The following MMP16 variants were observed in gnomAD, a reference collection of about 807,000 sequenced individuals.
MMP16 encodes the protein matrix metalloproteinase-16.
MMP16 carries 12 observed loss-of-function variants against 67.8 expected under a neutral mutation model. That is an observed-to-expected ratio of 0.18 (90% CI 0.11 to 0.29). The LOEUF is 0.29. MMP16 is among the 10% of genes least tolerant of loss of function. The pLI is 1.00. For synonymous variants in MMP16, 249 were observed against 255.9 expected, an observed-to-expected ratio of 0.97 and a Z score of 0.26; for missense variants, 475 against 765.7, an observed-to-expected ratio of 0.62 and a Z score of 4.48.
At chr8:88,060,067 T>C (rs1198600594) in intron 7 of MMP16, among the ~76,000 whole-genome samples, 3 of 152,066 alleles carry the variant, frequency 2.0e-5, no homozygotes, top group Non-Finnish European at 2.9e-5. Flanking sequence ...CCTGGCTGTC[T>C]GAGTTTCTGT....
intron 6 of MMP16, among the ~76,000 whole-genome samples, chr8:88,095,748 C>G (rs1809015769): frequency 6.6e-6 from 1 of 151,860 alleles, no homozygotes; most frequent in South Asian, 2.1e-4. Flanking sequence ...CTGACAGTAC[C>G]TTCCTGAATA....
intron 1 of MMP16, among the ~76,000 whole-genome samples, chr8:88,296,201 A>G (rs757715939): frequency 2.6e-5 from 4 of 152,192 alleles, no homozygotes; most frequent in Admixed American, 6.5e-5. Context: ...TGGGATGTAA[A>G]GATGGATAAT....
At chr8:88,295,680 T>C (rs1377813750) in intron 1 of MMP16, among the ~76,000 whole-genome samples, 2 of 152,138 alleles carry the variant, frequency 1.3e-5, no homozygotes, top group Non-Finnish European at 2.9e-5. Context: ...CTAATAAACA[T>C]GGTGGTTTCT....
chr8:88,314,944 T>G (rs1256364732), intron 1 of MMP16, among the ~76,000 whole-genome samples: 5 of 152,168 alleles, frequency 3.3e-5, no homozygotes, highest in African/African-American at 1.2e-4. Flanking sequence ...CAGCTCAACC[T>G]GAGTTCCACC....
chr8:88,167,921 G>A lies in MMP16; in HGVS notation c.457C>T (p.Arg153Cys), dbSNP rs1586186273. 6.8e-6 allele frequency: 11 copies of A among 1,613,904 alleles called. No homozygotes were observed. The highest frequency in any genetic ancestry group is 9.3e-6 in the Non-Finnish European group (11 of 1,179,894). ...VGDPETRKAIRRAFDVWQNVT... is the reference protein window; with the variant it reads ...VGDPETRKAICRAFDVWQNVT... ...TTCTGCCACACATCAAAGGCACGGC[G>A]AATAGCTTTACGAGTCTCAGGGTCT... Residue 153 changes from arginine (R) to cysteine (C), a missense_variant, in exon 4 of 10, where the codon CGC becomes TGC. Physicochemically the swap from Arg to Cys is radical, Grantham distance 180 (BLOSUM62 -3). Transcript: ENST00000286614.
chr8:88,101,854 G>C (rs1563531967), intron 6 of MMP16, among the ~76,000 whole-genome samples: 1 of 151,762 alleles, frequency 6.6e-6, no homozygotes, highest in Non-Finnish European at 1.5e-5. Flanking sequence ...TCCAGTTCCA[G>C]ATAGGACATA....
chr8:88,223,441 C>T (rs1171676760), intron 1 of MMP16, among the ~76,000 whole-genome samples: 1 of 151,878 alleles, frequency 6.6e-6, no homozygotes, highest in Non-Finnish European at 1.5e-5. Flanking sequence ...TTGGAACCAA[C>T]CAAAATGTCC....
At chr8:88,275,082 A>G (rs1035217278) in intron 1 of MMP16, among the ~76,000 whole-genome samples, 1 of 151,986 alleles carries the variant, frequency 6.6e-6, no homozygotes, top group African/African-American at 2.4e-5. Context: ...AGTTAAATCA[A>G]TGGTTAACCA....
chr8:88,119,664 T>C (rs1807786597), intron 4 of MMP16, among the ~76,000 whole-genome samples: 1 of 152,048 alleles, frequency 6.6e-6, no homozygotes, highest in African/African-American at 2.4e-5. Context: ...CTACATTTTG[T>C]TCAGTCCTGG....
At chr8:88,183,712 CT>C (rs71277981) in intron 3 of MMP16, among the ~76,000 whole-genome samples, 346 of 92,094 alleles carry the variant, frequency 3.8e-3, no homozygotes, top group African/African-American at 0.013. Context: ...AAATGTCCTT[CT>C]TTTTTTTTTT....
At chr8:88,242,832 A>C (rs1166650166) in intron 1 of MMP16, among the ~76,000 whole-genome samples, 1 of 152,224 alleles carries the variant, frequency 6.6e-6, no homozygotes, top group Admixed American at 6.5e-5. Flanking sequence ...GCTGGTTAGT[A>C]GATAGACAGG....
intron 1 of MMP16, among the ~76,000 whole-genome samples, chr8:88,287,946 G>C (rs1810860019): frequency 6.6e-6 from 1 of 152,128 alleles, no homozygotes; most frequent in Non-Finnish European, 1.5e-5. Context: ...GTAATACCAA[G>C]GTCAGTCAAA....
intron 3 of MMP16, among the ~76,000 whole-genome samples, chr8:88,173,539 G>T (rs781746048): frequency 2.0e-5 from 3 of 151,954 alleles, no homozygotes; most frequent in Non-Finnish European, 4.4e-5. Flanking sequence ...ATTTAGAAAG[G>T]CATACTAATG....
At chr8:88,297,389 G>A (rs1464824085) in intron 1 of MMP16, among the ~76,000 whole-genome samples, 1 of 152,176 alleles carries the variant, frequency 6.6e-6, no homozygotes, top group African/African-American at 2.4e-5. Context: ...TGGGACCTGA[G>A]AACTGCCCTT....
At chr8:88,046,966 A>G (rs1434423375) in intron 8 of MMP16, among the ~76,000 whole-genome samples, 182 bp from the exon 9 acceptor site, 1 of 152,206 alleles carries the variant, frequency 6.6e-6, no homozygotes, top group Non-Finnish European at 1.5e-5. Context: ...ATAACTGAAA[A>G]TACAATGGGC....
At position 88,035,898 on chromosome 8, in the gene MMP16, T is replaced by C. The variant is rs900071094; in HGVS notation, c.*5563A>G. On this transcript the variant is annotated 3_prime_UTR_variant, in exon 10 of 10. Coordinates refer to ENST00000286614, the MANE Select transcript of MMP16 (RefSeq NM_005941.5). The surrounding 1 kb of genome is among the most constrained non-coding windows in gnomAD (Gnocchi z 4.7). ...AACATATATTTGTAATTGGATGTTATTAATCTTACCTGAAATATTTCAGAA... is the reference window on the plus strand; with the variant it reads ...AACATATATTTGTAATTGGATGTTACTAATCTTACCTGAAATATTTCAGAA... 1 of 151,982 alleles carries C rather than the reference T, an allele frequency of 6.6e-6. No individual in the cohort carries two copies. Among genetic ancestry groups the C allele is most frequent in the African/African-American group, 2.4e-5 (1 of 41,434 alleles). 9.4% of individuals were successfully genotyped at this position (151,982 alleles called of 1,614,324 possible).
chr8:88,312,311 C>G (rs1563592543), intron 1 of MMP16, among the ~76,000 whole-genome samples: 1 of 152,096 alleles, frequency 6.6e-6, no homozygotes, highest in African/African-American at 2.4e-5. Context: ...CATTTTATTT[C>G]TATAGAATAG....
chr8:88,086,013 A>C (rs768024293), intron 6 of MMP16, among the ~76,000 whole-genome samples: 27 of 151,846 alleles, frequency 1.8e-4, no homozygotes, highest in Non-Finnish European at 3.7e-4. Context: ...TAATATATTA[A>C]TTTTTATCCA....
intron 1 of MMP16, among the ~76,000 whole-genome samples, chr8:88,218,180 A>T (rs1490438163): frequency 6.6e-6 from 1 of 152,018 alleles, no homozygotes; most frequent in Non-Finnish European, 1.5e-5. Context: ...GACATGAATT[A>T]TCAATATCTG....
Sources: allele counts gnomAD v4.1 joint callset (sites outside exome capture counted in the v4.1 genomes callset), GRCh38; gene constraint gnomAD v4.1.1; non-coding constraint Gnocchi (gnomAD v3.1); transcripts MANE v1.5; gene names NCBI Gene and HGNC (gene_info 2026-07-23, HGNC 2026-07-21).